The following MGA variants were observed in gnomAD, a reference collection of about 807,000 sequenced individuals.
MGA encodes MAX gene-associated protein.
MGA carries 40 observed loss-of-function variants against 261.1 expected under a neutral mutation model. The observed-to-expected ratio is 0.15, with a 90% confidence interval of 0.12 to 0.20. The LOEUF is 0.20. Ranked by LOEUF, MGA falls within the 10% of genes least tolerant of loss-of-function variation. The pLI, the probability that MGA is intolerant of heterozygous loss-of-function variation, is 1.00. For synonymous variants in MGA, 1,302 were observed against 1,290.6 expected (o/e 1.01, Z -0.19); for missense variants, 3,397 against 3,630.5 (o/e 0.94, Z 1.65).
chr15:41,758,495 A>G (rs2063270331), intron 19 of MGA, among the ~76,000 whole-genome samples: 1 of 152,132 alleles, frequency 6.6e-6, no homozygotes, highest in African/African-American at 2.4e-5. Context: ...GACTTATATG[A>G]TACAGCGTAT....
chr15:41,673,725 T>C (rs2058214671), intron 2 of MGA, among the ~76,000 whole-genome samples: 1 of 151,384 alleles, frequency 6.6e-6, no homozygotes. Flanking sequence ...GTATTTTTAG[T>C]AGAGACGGGG....
intron 1 of MGA, among the ~76,000 whole-genome samples, chr15:41,642,130 A>G (rs1302778404): frequency 6.6e-6 from 1 of 152,148 alleles, no homozygotes; most frequent in East Asian, 1.9e-4. Flanking sequence ...CTTTTTGATT[A>G]TAGCCATCTT....
intron 9 of MGA, among the ~76,000 whole-genome samples, chr15:41,724,390 G>C (rs2061116331): frequency 6.6e-6 from 1 of 152,070 alleles, no homozygotes. Flanking sequence ...CCCCCCAAAA[G>C]CTACCTGAAA....
chr15:41,664,226 A>G (rs2057593060), intron 1 of MGA, among the ~76,000 whole-genome samples: 1 of 152,196 alleles, frequency 6.6e-6, no homozygotes, highest in East Asian at 1.9e-4. Context: ...CTGTGCACAA[A>G]GTTGAAATAG....
intron 2 of MGA, among the ~76,000 whole-genome samples, chr15:41,682,136 C>T (rs1481416621): frequency 2.0e-5 from 3 of 151,904 alleles, no homozygotes; most frequent in Non-Finnish European, 4.4e-5. Flanking sequence ...AGGCTGGTCT[C>T]GAACTCCTGA....
intron 1 of MGA, among the ~76,000 whole-genome samples, chr15:41,622,022 T>A (rs990971026): frequency 8.3e-6 from 1 of 120,054 alleles, no homozygotes; most frequent in East Asian, 2.9e-4. Context: ...CAGCGCGTGC[T>A]GCTGGCGCGG....
chr15:41,731,706 T>G (rs1217601251), intron 11 of MGA, among the ~76,000 whole-genome samples: 1 of 152,254 alleles, frequency 6.6e-6, no homozygotes, highest in Non-Finnish European at 1.5e-5. Context: ...AAGTTATTCA[T>G]AGCATATAAT....
In MGA at chr15:41,748,672, G is replaced by T. The variant is rs1223268602; in HGVS notation, c.5248G>T (p.Val1750Phe). 1.2e-6 allele frequency: 2 copies of T among 1,613,684 alleles called. No individual in the cohort carries two copies. Among genetic ancestry groups the T allele is most frequent in the Admixed American group, 1.7e-5 (1 of 59,996 alleles). ...TCAAATTCCAGTGGCTACTCCACAG[G>T]TCTCTCCTAACACAGTGAAACGTGC... The change falls in exon 16 of 24, where the codon GTC (valine) becomes TTC (phenylalanine). Residue 1750 changes from valine (V) to phenylalanine (F), a missense_variant. By Grantham distance (50) the Val-to-Phe change is conservative (BLOSUM62 -1). Around this residue, in one of 9 missense-constraint regions of MGA, gnomAD observed 1,410 missense variants for 1,386.4 expected, o/e 1.02. Transcript: ENST00000219905.
intron 1 of MGA, among the ~76,000 whole-genome samples, chr15:41,626,301 T>G (rs1347648894): frequency 2.2e-5 from 3 of 139,158 alleles, no homozygotes; most frequent in African/African-American, 7.9e-5. Flanking sequence ...TTTTTTTTTT[T>G]GACAAGTGGT....
chr15:41,736,999 A>G (rs764907510), intron 13 of MGA, among the ~76,000 whole-genome samples: 3 of 152,186 alleles, frequency 2.0e-5, no homozygotes, highest in Non-Finnish European at 4.4e-5. Context: ...TACTTTGACA[A>G]TAAAGCAAGG....
intron 1 of MGA, among the ~76,000 whole-genome samples, chr15:41,627,670 AC>A (rs1218555859): frequency 6.6e-6 from 1 of 152,260 alleles, no homozygotes; most frequent in African/African-American, 2.4e-5. Flanking sequence ...AATAAGTAAT[AC>A]ATTGACAAGC....
At position 41,768,631 on chromosome 15, in the gene MGA, CCT is replaced by C. The variant is rs2063911092; in HGVS notation, c.*1352_*1353del. ...AATAATTATATTTTGGAATGTAACC[CCT>C]GTTCTGTCTTCATTGACAGGATTTG... On this transcript the variant is annotated 3_prime_UTR_variant, in exon 24 of 24. Transcript: ENST00000219905. 1 of 152,542 alleles carries C rather than the reference CCT, an allele frequency of 6.6e-6. No homozygotes were observed. The highest frequency in any genetic ancestry group is 1.5e-5 in the Non-Finnish European group (1 of 68,026). The allele number at this position is 152,542 out of a possible 1,614,324, so 9.4% of individuals were successfully genotyped here. A position where few individuals can be genotyped will look rare whatever the true frequency, so the allele number is the denominator to read the frequency against.
At chr15:41,638,688 CT>C (rs761492514) in intron 1 of MGA, among the ~76,000 whole-genome samples, 4,223 of 115,644 alleles carry the variant, frequency 0.037, 107 homozygotes, top group African/African-American at 0.1. Flanking sequence ...TTTTCTTTTT[CT>C]TTTTTTTTTT....
At chr15:41,653,262 G>C (rs188194260) in intron 1 of MGA, among the ~76,000 whole-genome samples, 1 of 151,742 alleles carries the variant, frequency 6.6e-6, no homozygotes, top group East Asian at 1.9e-4. Context: ...TCAGCTACTG[G>C]AGAGGCTGAG....
At chr15:41,676,397 G>T (rs1026499548) in intron 2 of MGA, among the ~76,000 whole-genome samples, 1 of 152,200 alleles carries the variant, frequency 6.6e-6, no homozygotes, top group Non-Finnish European at 1.5e-5. Flanking sequence ...CTCATGATCT[G>T]CCCGCCTTGG....
At position 41,762,449 on chromosome 15, in the gene MGA, T is replaced by G. The variant is rs185791316; in HGVS notation, c.7744+87T>G. 671 of 884,076 alleles carry G rather than the reference T, an allele frequency of 7.6e-4. 7 individuals are homozygous for G. The Middle Eastern group carries it at 0.013, about 18-fold the overall frequency. 54.8% of individuals were successfully genotyped at this position (884,076 alleles called of 1,614,324 possible). On this transcript the variant is annotated intron_variant, in intron 22 of 23. Transcript: ENST00000219905. ...GACCACCTTCTCTTGTCCACATTTT[T>G]AGTTTTGTGTGGTTTTTTTTTTTTT...
chr15:41,739,671 C>T (rs140520549), intron 13 of MGA, among the ~76,000 whole-genome samples: 1 of 152,286 alleles, frequency 6.6e-6, no homozygotes, highest in East Asian at 1.9e-4. Context: ...TTCCGATTCT[C>T]TATTTTCAAA....
chr15:41,678,811 T>C (rs1285114533), intron 2 of MGA, among the ~76,000 whole-genome samples: 1 of 151,940 alleles, frequency 6.6e-6, no homozygotes, highest in Admixed American at 6.6e-5. Context: ...CCTTTTCCCA[T>C]TGAATGGTCT....
intron 1 of MGA, among the ~76,000 whole-genome samples, chr15:41,665,144 A>G (rs1395030615): frequency 3.3e-5 from 5 of 152,190 alleles, no homozygotes; most frequent in Non-Finnish European, 5.9e-5. Context: ...TGTATGACCA[A>G]TCTTGTAAGA....
Sources: gnomAD v4.1 joint callset for allele counts (sites outside exome capture counted in the v4.1 genomes callset) on GRCh38, gnomAD v4.1.1 for gene constraint, gnomAD v4.1.1 regional missense constraint, MANE v1.5 for transcripts, NCBI Gene and HGNC (gene_info 2026-07-23, HGNC 2026-07-21) for gene names.